Variants in TPH2 observed in about 807,000 individuals in gnomAD.
TPH2 encodes the protein tryptophan hydroxylase 2.
TPH2 carries 27 observed loss-of-function variants against 59.1 expected under a neutral mutation model. That is an observed-to-expected ratio of 0.46 (90% CI 0.34 to 0.63). The LOEUF (loss-of-function observed/expected upper bound fraction) is 0.63. Among genes scored for constraint, TPH2 ranks in the 30% least tolerant of loss-of-function variants. The pLI is 0.01. For missense variants in TPH2, 523 were observed against 588.3 expected (o/e 0.89, Z 1.15); for synonymous variants, 220 against 210.5 (o/e 1.05, Z -0.39).
intron 8 of TPH2, among the ~76,000 whole-genome samples, chr12:71,999,751 G>T (rs1872776469): frequency 6.6e-6 from 1 of 152,160 alleles, no homozygotes; most frequent in African/African-American, 2.4e-5. Flanking sequence ...GAAAACAAAA[G>T]GTTCTTTGGC....
intron 5 of TPH2, chr12:71,962,758 A>C (rs1336260053): frequency 1.1e-6 from 1 of 911,132 alleles, no homozygotes; most frequent in Non-Finnish European, 1.3e-6. Flanking sequence ...AGTATCTGTC[A>C]TCCAAGCTGA....
intron 8 of TPH2, among the ~76,000 whole-genome samples, chr12:72,022,166 A>G (rs1408804220): frequency 6.6e-6 from 1 of 152,192 alleles, no homozygotes; most frequent in African/African-American, 2.4e-5. Flanking sequence ...AGGGCTTCTG[A>G]ATTCAGGAAG....
At chr12:72,020,822 C>G (rs528857384) in intron 8 of TPH2, among the ~76,000 whole-genome samples, 1 of 151,546 alleles carries the variant, frequency 6.6e-6, no homozygotes, top group African/African-American at 2.4e-5. Flanking sequence ...GGAGGTGAAT[C>G]AGGAAAAAAA....
intron 7 of TPH2, among the ~76,000 whole-genome samples, chr12:71,982,795 A>G (rs1448747392): frequency 6.6e-6 from 1 of 152,252 alleles, no homozygotes; most frequent in Non-Finnish European, 1.5e-5. Context: ...AAAGGTGAGC[A>G]CTGAAGACCC....
chr12:72,024,154 A>G (rs1873504901), intron 9 of TPH2, among the ~76,000 whole-genome samples: 1 of 152,178 alleles, frequency 6.6e-6, no homozygotes, highest in Non-Finnish European at 1.5e-5. Context: ...CCAATCACAT[A>G]ATACAAAAAG....
chr12:72,010,652 T>C (rs1873077391), intron 8 of TPH2, among the ~76,000 whole-genome samples: 1 of 152,174 alleles, frequency 6.6e-6, no homozygotes, highest in Non-Finnish European at 1.5e-5. Flanking sequence ...GGCGAGAAAG[T>C]GCAAGCTCCT....
intron 8 of TPH2, among the ~76,000 whole-genome samples, chr12:72,000,695 T>G (rs915767893): frequency 6.6e-6 from 1 of 152,204 alleles, no homozygotes; most frequent in African/African-American, 2.4e-5. Flanking sequence ...GAACAGGATA[T>G]CACCAGATAA....
intron 8 of TPH2, among the ~76,000 whole-genome samples, chr12:72,007,071 T>C (rs1487278): frequency 0.19 from 29,042 of 152,060 alleles, 3,091 homozygotes; most frequent in East Asian, 0.3. Flanking sequence ...AACTCACGTT[T>C]CCCCTTCTGA....
intron 9 of TPH2, among the ~76,000 whole-genome samples, chr12:72,026,289 A>G (rs1215613621): frequency 3.3e-5 from 5 of 152,082 alleles, no homozygotes; most frequent in African/African-American, 9.7e-5. Context: ...GGTTTTGAAA[A>G]AGCTGATGGT....
At chr12:71,974,326 C>T (rs182775903) in intron 6 of TPH2, among the ~76,000 whole-genome samples, 1 of 152,316 alleles carries the variant, frequency 6.6e-6, no homozygotes, top group East Asian at 1.9e-4. Flanking sequence ...CGAGTTATCT[C>T]ACAGCTCTGG....
intron 8 of TPH2, among the ~76,000 whole-genome samples, chr12:71,996,012 C>T (rs1346931888): frequency 6.6e-6 from 1 of 152,174 alleles, no homozygotes; most frequent in Non-Finnish European, 1.5e-5. Flanking sequence ...AAACAACAAA[C>T]ATCTATTATA....
At chr12:72,025,924 C>T (rs2139248475) in intron 9 of TPH2, among the ~76,000 whole-genome samples, 1 of 152,200 alleles carries the variant, frequency 6.6e-6, no homozygotes, top group Non-Finnish European at 1.5e-5. Flanking sequence ...TTTTGTTCAA[C>T]AAACACAAAA....
chr12:72,023,779 G>A (rs984343211), intron 9 of TPH2, among the ~76,000 whole-genome samples: 2 of 139,268 alleles, frequency 1.4e-5, no homozygotes, highest in East Asian at 2.1e-4. Flanking sequence ...AGCCGAGATC[G>A]CGCCACTGCA....
intron 8 of TPH2, among the ~76,000 whole-genome samples, chr12:71,997,200 C>G (rs905065188): frequency 6.6e-6 from 1 of 152,110 alleles, no homozygotes; most frequent in African/African-American, 2.4e-5. Flanking sequence ...TCTCTTTGAT[C>G]TTGTTTCTGT....
chr12:71,990,027 G>A (rs1161655239), intron 7 of TPH2, among the ~76,000 whole-genome samples: 1 of 151,352 alleles, frequency 6.6e-6, no homozygotes, highest in African/African-American at 2.4e-5. Flanking sequence ...TGTATTTCCA[G>A]TGAACAGAGC....
intron 7 of TPH2, among the ~76,000 whole-genome samples, chr12:71,985,050 G>A (rs1377106762): frequency 2.0e-5 from 3 of 152,204 alleles, no homozygotes; most frequent in African/African-American, 7.2e-5. Flanking sequence ...CAGGTTTACT[G>A]TTAATAGCAC....
chr12:71,997,497 G>T (rs1872723297), intron 8 of TPH2, among the ~76,000 whole-genome samples: 1 of 152,172 alleles, frequency 6.6e-6, no homozygotes, highest in Non-Finnish European at 1.5e-5. Flanking sequence ...TTTGTAGGAT[G>T]AGTAAGTTTT....
rs1435442196 is a variant in TPH2, at chr12:71,963,832, G to A, written c.609-8687G>A. Among the ~76,000 whole-genome samples, 2 of 48,252 alleles carry A rather than the reference G, an allele frequency of 4.1e-5. 1 individual carries two copies. 31.7% of individuals were successfully genotyped at this position (48,252 alleles called of 152,430 possible). A position where few individuals can be genotyped will look rare whatever the true frequency, so the allele number is the denominator to read the frequency against. Reference sequence around the variant, plus strand: ...TCAAAAAAAAAAAAAAAAAAAATCTGCTTAGCAACTTCCATTTGACATAGG... The same window carrying A: ...TCAAAAAAAAAAAAAAAAAAAATCTACTTAGCAACTTCCATTTGACATAGG... On this transcript the variant is annotated intron_variant, in intron 5 of 10. Transcript: ENST00000333850.
chr12:71,954,176 C>T (rs118150761), intron 5 of TPH2, among the ~76,000 whole-genome samples: 5,162 of 152,136 alleles, frequency 0.034, 130 homozygotes, highest in Non-Finnish European at 0.048. Flanking sequence ...GGAGAGGGGG[C>T]GGGAAAGCGC....
Sources: gnomAD v4.1 joint callset for allele counts (sites outside exome capture counted in the v4.1 genomes callset) on GRCh38, gnomAD v4.1.1 for gene constraint, MANE v1.5 for transcripts, NCBI Gene and HGNC (gene_info 2026-07-23, HGNC 2026-07-21) for gene names.